Variants in IL2RB observed in about 807,000 individuals in gnomAD.
The protein encoded by IL2RB is interleukin-2 receptor subunit beta.
In IL2RB, 17 loss-of-function variants were observed where a neutral mutation model predicts 44.2. The observed-to-expected ratio is 0.38, with a 90% CI of 0.26 to 0.58. IL2RB has a LOEUF of 0.58. IL2RB is among the 20% of genes least tolerant of loss of function. The pLI is 0.63. For synonymous variants in IL2RB, 286 were observed against 297.9 expected (o/e 0.96, Z 0.41); for missense variants, 624 against 685.5 (o/e 0.91, Z 1.00).
At chr22:37,134,766 T>A (rs1921599227) in intron 8 of IL2RB, among the ~76,000 whole-genome samples, 1 of 152,146 alleles carries the variant, frequency 6.6e-6, no homozygotes, top group African/African-American at 2.4e-5. Flanking sequence ...TCCCGGTGTG[T>A]CATTACACAC....
chr22:37,136,047 C>T (rs1359512007), intron 7 of IL2RB, among the ~76,000 whole-genome samples, 181 bp downstream of exon 7: 1 of 152,144 alleles, frequency 6.6e-6, no homozygotes, highest in Non-Finnish European at 1.5e-5. Flanking sequence ...CATGGCAAGC[C>T]CCGTCCCCTC....
rs769243048 is a variant in IL2RB at position 37,142,541 on chromosome 22, GAAC to G, written c.204-32_204-30del. On this transcript the variant is annotated intron_variant, in intron 3 of 9. Coordinates refer to ENST00000216223, the MANE Select transcript of IL2RB (RefSeq NM_000878.5). ...TCATGGCAAAAGACCCTCTTTAGAA[GAAC>G]AGGAAGGACCCACACAGCTGGCCCA... The G allele has an allele frequency of 3.7e-6, 6 of 1,603,474 alleles. No individual in the cohort carries two copies. In the East Asian group the frequency reaches 1.3e-4, roughly 36 times the overall value.
In IL2RB at chr22:37,156,096, C is replaced by G. The variant is rs73408807; in HGVS notation, c.-33-11891G>C. Among the ~76,000 whole-genome samples, 716 of 152,314 alleles carry G rather than the reference C, an allele frequency of 4.7e-3. 9 individuals are homozygous for G. The highest frequency in any genetic ancestry group is 0.016 in the African/African-American group (680 of 41,558). ...TGCTCACTGGAGTGCTTGGCCCTTG[C>G]GCTCAGCCTCCCTCTCCACTCCGCC... On this transcript the variant is annotated intron_variant, in intron 1 of 5. Transcript: ENST00000429622.
Position 37,136,383 on chromosome 22 carries a change from AG to A in IL2RB, c.547del (p.Leu183CysfsTer2). The part of the protein sequence containing the change: ...SPGHTWEEAP[L>X]LTLKQKQEWI... ...TTCCTGCTTCTGCTTGAGAGTCAGC[AG>A]GGGGGCCTCCTGGGTCGGAGACAGG... On this transcript the variant is annotated frameshift_variant, in exon 7 of 10. Transcript: ENST00000216223. LOFTEE classifies it high-confidence loss of function. 5 of 1,609,588 alleles carry A rather than the reference AG, an allele frequency of 3.1e-6. No homozygotes were observed. The highest frequency in any genetic ancestry group is 2.2e-5 in the South Asian group (2 of 90,296).
At chr22:37,166,174 C>T (rs530472407) in intron 1 of IL2RB, among the ~76,000 whole-genome samples, 23 of 152,222 alleles carry the variant, frequency 1.5e-4, no homozygotes, top group Non-Finnish European at 3.2e-4. Context: ...CCTTGAAGTC[C>T]TGGCTCCTTG....
intron 8 of IL2RB, among the ~76,000 whole-genome samples, chr22:37,133,963 G>A (rs1921560516): frequency 6.6e-6 from 1 of 151,994 alleles, no homozygotes; most frequent in South Asian, 2.1e-4. Context: ...CCCCCCATGG[G>A]CTCCCACTAC....
At chr22:37,155,518 G>A (rs1922649681) in intron 1 of IL2RB, among the ~76,000 whole-genome samples, 1 of 152,160 alleles carries the variant, frequency 6.6e-6, no homozygotes, top group African/African-American at 2.4e-5. Context: ...TCAGGGCTTT[G>A]TGCATGCTGA....
intron 5 of IL2RB, 34 bp downstream of exon 5, chr22:37,139,083 C>A: frequency 1.4e-6 from 2 of 1,411,556 alleles, no homozygotes; most frequent in African/African-American, 2.8e-5. Flanking sequence ...GGTGCCCAGC[C>A]CTGCCCCAGC....
At chr22:37,139,271 G>A (rs1268886121) in intron 4 of IL2RB, 49 bp from the exon 5 acceptor site, 1 of 1,355,158 alleles carries the variant, frequency 7.4e-7, no homozygotes, top group Non-Finnish European at 1.0e-6. Context: ...CTTCAGGCAG[G>A]GGAAGGGGGA....
At chr22:37,146,878 A>C (rs1291984093) in intron 1 of IL2RB, among the ~76,000 whole-genome samples, 5 of 151,914 alleles carry the variant, frequency 3.3e-5, no homozygotes, top group Non-Finnish European at 7.4e-5. Context: ...CATCAGAGCC[A>C]GCATGGAGCA....
In IL2RB at chr22:37,128,385, G is replaced by T. The variant is rs758040509; in HGVS notation, c.1367C>A (p.Pro456His). 6.6e-6 allele frequency: 10 copies of T among 1,510,626 alleles called. No individual in the cohort carries two copies. The South Asian group carries it at 1.2e-4, about 18-fold the overall frequency. The allele number at this position is 1,510,626 out of a possible 1,614,324, so 93.6% of individuals were successfully genotyped here. ...GGGGACTCTTTCTTGCAAAGAAGGG[G>T]GCATCCTCTCTTCACCGGCCCCACT... is the stretch of plus-strand genomic sequence containing the variant. ...GGSGAGEERM[P>H]PSLQERVPRD... The change falls in exon 10 of 10, where the codon CCC (proline) becomes CAC (histidine). Residue 456 changes from proline to histidine, a missense_variant. Around this residue, in one of 3 missense-constraint regions of IL2RB, gnomAD observed 291 missense variants for 275.5 expected, o/e 1.06. Transcript: ENST00000216223. This position sits in a 1 kb window ranked among gnomAD's most constrained non-coding sequence, Gnocchi z 4.5.
intron 1 of IL2RB, among the ~76,000 whole-genome samples, chr22:37,173,070 G>A (rs1366621500): frequency 1.3e-5 from 2 of 152,112 alleles, no homozygotes; most frequent in Non-Finnish European, 1.5e-5. Flanking sequence ...GCTCCTTCCG[G>A]CCTCTGGGTC....
At chr22:37,152,929 C>CTTTTTTTTTTTTTTTTTTTTTT (rs67046193), upstream of IL2RB, among the ~76,000 whole-genome samples, 1 of 86,982 alleles carries the variant, frequency 1.1e-5, no homozygotes, top group African/African-American at 4.8e-5. Context: ...GCTGTGGCCT[C>CTTTTTTTTTTTTTTTTTTTTTT]TTTTTTTTTT....
chr22:37,144,050 G>C, intron 2 of IL2RB, 35 bp downstream of exon 2: 2 of 1,551,520 alleles, frequency 1.3e-6, no homozygotes, highest in African/African-American at 1.4e-5. Context: ...CTCTCCATAG[G>C]GAAAGCAGAG....
chr22:37,134,069 G>A lies in IL2RB; in HGVS notation c.818+1259C>T, dbSNP rs149252615. 1.1e-3 allele frequency among the ~76,000 whole-genome samples: 168 copies of A among 152,094 alleles called. 1 individual carries two copies. In the East Asian group the frequency reaches 0.023, roughly 20 times the overall value. On this transcript the variant is annotated intron_variant, in intron 8 of 9. Coordinates refer to ENST00000216223, the MANE Select transcript of IL2RB (RefSeq NM_000878.5). ...CTGTTTTCTGCTCCTGATACAGTCA[G>A]CACTCAGGATCCGTGGGTTCTGCAC...
At position 37,133,956 on chromosome 22, in the gene IL2RB, C is replaced by A. The variant is rs552969596; in HGVS notation, c.818+1372G>T. The stretch of plus-strand genomic sequence containing the variant: ...CACTCTCCCCATCCCCTCCACACCC[C>A]CCATGGGCTCCCACTACAGATTTCA... On this transcript the variant is annotated intron_variant, in intron 8 of 9. Coordinates refer to ENST00000216223, the MANE Select transcript of IL2RB (RefSeq NM_000878.5). 4.6e-5 allele frequency among the ~76,000 whole-genome samples: 7 copies of A among 152,162 alleles called. No individual in the cohort carries two copies. The South Asian group carries it at 1.2e-3, about 27-fold the overall frequency.
At chr22:37,154,791 G>A (rs1922621403), upstream of IL2RB, among the ~76,000 whole-genome samples, 1 of 152,014 alleles carries the variant, frequency 6.6e-6, no homozygotes. Context: ...GGCCAGGACG[G>A]TCTCGATCTC....
At chr22:37,154,670 G>A (rs374230742), upstream of IL2RB, among the ~76,000 whole-genome samples, 2 of 150,602 alleles carry the variant, frequency 1.3e-5, no homozygotes, top group South Asian at 4.2e-4. Context: ...CCGCCTCCCC[G>A]GTTCAAACAA....
intron 1 of IL2RB, among the ~76,000 whole-genome samples, chr22:37,160,801 T>C (rs1299037813): frequency 1.3e-5 from 2 of 150,120 alleles, no homozygotes; most frequent in Non-Finnish European, 3.0e-5. Context: ...AGTGAGATCG[T>C]GGTGACAGAG....
Sources: gnomAD v4.1 joint callset for allele counts (sites outside exome capture counted in the v4.1 genomes callset) on GRCh38, gnomAD v4.1.1 for gene constraint, gnomAD v4.1.1 regional missense constraint, Gnocchi (gnomAD v3.1) non-coding constraint, MANE v1.5 for transcripts, NCBI Gene and HGNC (gene_info 2026-07-23, HGNC 2026-07-21) for gene names.